Variants in LANCL2 observed in about 807,000 individuals in gnomAD.
LANCL2 encodes lanC-like protein 2.
A neutral mutation model predicts 56.9 loss-of-function variants in LANCL2; 33 were observed. The ratio of observed to expected loss-of-function variants is 0.58; its 90% CI spans 0.44 to 0.78. The LOEUF (loss-of-function observed/expected upper bound fraction) is 0.78. Among genes scored for constraint, LANCL2 ranks in the 30% least tolerant of loss-of-function variants. The pLI is 0.00. For missense variants in LANCL2, 562 were observed against 580.2 expected, an observed-to-expected ratio of 0.97 and a Z score of 0.32; for synonymous variants, 233 against 228.2, an observed-to-expected ratio of 1.02 and a Z score of -0.19.
At chr7:55,385,239 G>A (rs1277348578) in intron 1 of LANCL2, among the ~76,000 whole-genome samples, 1 of 152,152 alleles carries the variant, frequency 6.6e-6, no homozygotes, top group African/African-American at 2.4e-5. Context: ...TGGGTGAGTG[G>A]CGACTTTCTG....
intron 6 of LANCL2, among the ~76,000 whole-genome samples, chr7:55,414,049 A>G (rs1790499777): frequency 6.6e-6 from 1 of 152,256 alleles, no homozygotes; most frequent in African/African-American, 2.4e-5. Flanking sequence ...GCACCCATAA[A>G]TATGTACAAT....
intron 5 of LANCL2, among the ~76,000 whole-genome samples, chr7:55,404,940 G>C (rs1790388187): frequency 1.3e-5 from 2 of 152,178 alleles, no homozygotes; most frequent in Non-Finnish European, 2.9e-5. Flanking sequence ...AAAGTAACCA[G>C]AATTCCATAC....
intron 5 of LANCL2, among the ~76,000 whole-genome samples, chr7:55,403,300 A>C (rs1047679727): frequency 6.6e-6 from 1 of 152,232 alleles, no homozygotes; most frequent in Non-Finnish European, 1.5e-5. Context: ...AAAACCAGTC[A>C]GGCATGGCGG....
chr7:55,415,278 G>A (rs562123765), intron 6 of LANCL2, among the ~76,000 whole-genome samples: 1 of 152,330 alleles, frequency 6.6e-6, no homozygotes, highest in Admixed American at 6.5e-5. Flanking sequence ...GGTGACACGA[G>A]TGCAGTCCTT....
chr7:55,416,938 T>G (rs1426364432), intron 6 of LANCL2, among the ~76,000 whole-genome samples: 3 of 151,614 alleles, frequency 2.0e-5, no homozygotes, highest in African/African-American at 7.3e-5. Flanking sequence ...AAATTAAGTT[T>G]TGTATATTAC....
chr7:55,370,349 G>A (rs1276413363), intron 1 of LANCL2, among the ~76,000 whole-genome samples: 2 of 152,168 alleles, frequency 1.3e-5, no homozygotes, highest in African/African-American at 2.4e-5. Context: ...CATCACACCT[G>A]CCATATTGTA....
intron 1 of LANCL2, among the ~76,000 whole-genome samples, chr7:55,376,070 T>C (rs1789996836): frequency 6.6e-6 from 1 of 152,202 alleles, no homozygotes; most frequent in African/African-American, 2.4e-5. Flanking sequence ...CCCTATTTTG[T>C]GGTCTGTGAC....
intron 5 of LANCL2, among the ~76,000 whole-genome samples, chr7:55,409,977 TA>T (rs1294610323): frequency 2.0e-5 from 3 of 152,166 alleles, no homozygotes; most frequent in Non-Finnish European, 4.4e-5. Flanking sequence ...AGAGTGAAAC[TA>T]AAAATGGTGA....
intron 6 of LANCL2, among the ~76,000 whole-genome samples, chr7:55,421,995 G>T (rs1790614139): frequency 6.6e-6 from 1 of 152,172 alleles, no homozygotes; most frequent in African/African-American, 2.4e-5. Context: ...GCCTCCTAAA[G>T]TGCTGGGATT....
chr7:55,385,271 A>G (rs1273696984), intron 1 of LANCL2, among the ~76,000 whole-genome samples: 1 of 152,164 alleles, frequency 6.6e-6, no homozygotes, highest in African/African-American at 2.4e-5. Context: ...TGGGGGTGCA[A>G]GAATTTACCA....
chr7:55,412,105 G>T lies in LANCL2; in HGVS notation c.1008+16G>T, dbSNP rs115910634. The T allele has an allele frequency of 1.2e-6, 2 of 1,602,570 alleles. No individual in the cohort carries two copies. The highest frequency in any genetic ancestry group is 8.5e-7 in the Non-Finnish European group (1 of 1,172,474). On this transcript the variant is annotated intron_variant, in intron 6 of 8. Coordinates refer to ENST00000254770, the MANE Select transcript of LANCL2 (RefSeq NM_018697.4). Reference sequence around the variant, plus strand: ...GGCGTACAAGGTCAGTGCTTCCGCCGTCACGGCCGTCCCCTGTGTGGGGAG... The same window carrying T: ...GGCGTACAAGGTCAGTGCTTCCGCCTTCACGGCCGTCCCCTGTGTGGGGAG...
At chr7:55,412,121 G>C in intron 6 of LANCL2, 32 bp downstream of exon 6, 1 of 1,579,236 alleles carries the variant, frequency 6.3e-7, no homozygotes. Flanking sequence ...GCCGTCCCCT[G>C]TGTGGGGAGC....
chr7:55,376,335 T>C (rs911747085), intron 1 of LANCL2, among the ~76,000 whole-genome samples: 2 of 152,310 alleles, frequency 1.3e-5, no homozygotes, highest in African/African-American at 2.4e-5. Context: ...ACAGAGTCAG[T>C]GCATTCCTTT....
At chr7:55,393,002 C>T (rs1008320996) in intron 2 of LANCL2, among the ~76,000 whole-genome samples, 1 of 152,102 alleles carries the variant, frequency 6.6e-6, no homozygotes, top group African/African-American at 2.4e-5. Context: ...TTAATGATAA[C>T]AACCAATAAT....
rs149433421 is a variant in LANCL2, at chr7:55,401,229, C to T, written c.734C>T (p.Thr245Met). ...ACTTTGTCAAGGGAAGAAAGAAAAA[C>T]GGAGCGCTGCCCGCTGTTGTACCAG... ...GKTLSREERK[T>M]ERCPLLYQWH... The change falls in exon 5 of 9, where the codon ACG becomes ATG. Residue 245 changes from threonine to methionine, a missense_variant. Physicochemically the swap from Thr to Met is moderately conservative, Grantham distance 81. This residue lies in a region of LANCL2 where 378 missense variants were observed against 468.4 expected (regional missense o/e 0.81). Coordinates refer to ENST00000254770, the MANE Select transcript of LANCL2 (RefSeq NM_018697.4). 1,097 of 1,614,050 alleles carry T rather than the reference C, an allele frequency of 6.8e-4. 8 individuals are homozygous for T. The African/African-American group carries it at 0.013, about 19-fold the overall frequency.
rs1219695484 is a variant in LANCL2 at position 55,432,326 on chromosome 7, C to G, written c.*1006C>G. Reference sequence around the variant, plus strand: ...TCTAAATTTGGAATGAATGCATTTCCTATTTTTTGTCTACTTTTGGGTGAT... The same window carrying G: ...TCTAAATTTGGAATGAATGCATTTCGTATTTTTTGTCTACTTTTGGGTGAT... On this transcript the variant is annotated 3_prime_UTR_variant, in exon 9 of 9. Transcript: ENST00000254770. The G allele has an allele frequency of 6.6e-6, 1 of 152,122 alleles. No homozygotes were observed. Among genetic ancestry groups the G allele is most frequent in the East Asian group, 1.9e-4 (1 of 5,196 alleles). The allele number at this position is 152,122 out of a possible 1,614,324, so 9.4% of individuals were successfully genotyped here.
At chr7:55,397,085 T>TA (rs1242831158) in intron 2 of LANCL2, 1 of 152,162 alleles carries the variant, frequency 6.6e-6, no homozygotes, top group African/African-American at 2.4e-5. Context: ...CAAAAAGTGT[T>TA]AAGGATTAAT....
chr7:55,369,134 C>T (rs1169585358), intron 1 of LANCL2, among the ~76,000 whole-genome samples: 1 of 152,110 alleles, frequency 6.6e-6, no homozygotes, highest in Non-Finnish European at 1.5e-5. Flanking sequence ...GAGAGCATGG[C>T]CCTGTTGATA....
chr7:55,425,203 C>G, intron 6 of LANCL2, 51 bp from the exon 7 acceptor site: 2 of 1,570,664 alleles, frequency 1.3e-6, no homozygotes, highest in Non-Finnish European at 1.7e-6. Flanking sequence ...ATTTTGCCAA[C>G]TCATCGTTGA....
Sources: allele counts gnomAD v4.1 joint callset (sites outside exome capture counted in the v4.1 genomes callset), GRCh38; gene constraint gnomAD v4.1.1; regional missense constraint gnomAD v4.1.1; transcripts MANE v1.5; gene names NCBI Gene and HGNC (gene_info 2026-07-23, HGNC 2026-07-21).